ATXN7L1: variants seen among roughly 807,000 people sequenced by gnomAD.
The protein encoded by ATXN7L1 is ataxin-7-like protein 1.
In ATXN7L1, 15 loss-of-function variants were observed where a neutral mutation model predicts 70.8. The observed-to-expected ratio is 0.21, with a 90% confidence interval of 0.14 to 0.33. ATXN7L1 has a LOEUF of 0.33. ATXN7L1 is among the 10% of genes least tolerant of loss of function. The probability of loss-of-function intolerance (pLI) is 1.00; values close to 1 mark genes in which losing one functional copy is unlikely to be tolerated. For missense variants in ATXN7L1, 975 were observed against 1,097.1 expected, an observed-to-expected ratio of 0.89 and a Z score of 1.57; for synonymous variants, 440 against 445.1, an observed-to-expected ratio of 0.99 and a Z score of 0.14.
At chr7:105,718,995 T>G (rs1025285646) in intron 3 of ATXN7L1, among the ~76,000 whole-genome samples, 3 of 152,168 alleles carry the variant, frequency 2.0e-5, no homozygotes, top group Non-Finnish European at 4.4e-5. Flanking sequence ...GGGCCTGTTG[T>G]GTTTCCATGT....
intron 3 of ATXN7L1, among the ~76,000 whole-genome samples, chr7:105,785,436 A>G (rs973882560): frequency 1.3e-5 from 2 of 152,176 alleles, no homozygotes; most frequent in Non-Finnish European, 2.9e-5. Context: ...ACTGCACTAC[A>G]GTCTGGATGA....
At chr7:105,737,224 C>T (rs1194685560) in intron 3 of ATXN7L1, among the ~76,000 whole-genome samples, 1 of 152,216 alleles carries the variant, frequency 6.6e-6, no homozygotes, top group East Asian at 1.9e-4. Flanking sequence ...ACATACAACG[C>T]TTTGATAAAC....
chr7:105,833,867 T>C (rs1811996176), intron 2 of ATXN7L1, among the ~76,000 whole-genome samples: 1 of 152,102 alleles, frequency 6.6e-6, no homozygotes, highest in South Asian at 2.1e-4. Context: ...ATACAGCCAG[T>C]GGTAGTTATA....
chr7:105,771,107 G>T (rs193163361), intron 3 of ATXN7L1, among the ~76,000 whole-genome samples: 3 of 152,088 alleles, frequency 2.0e-5, no homozygotes, highest in South Asian at 4.2e-4. Context: ...GGCTGAGGCA[G>T]GAGAATTGCT....
chr7:105,639,836 G>A (rs1042964941), intron 5 of ATXN7L1, among the ~76,000 whole-genome samples: 1 of 152,240 alleles, frequency 6.6e-6, no homozygotes, highest in African/African-American at 2.4e-5. Flanking sequence ...AAGGCTCGGG[G>A]AATAGGGCGG....
intron 3 of ATXN7L1, among the ~76,000 whole-genome samples, chr7:105,770,696 A>G (rs991474371): frequency 2.6e-5 from 4 of 152,234 alleles, no homozygotes; most frequent in African/African-American, 9.6e-5. Flanking sequence ...AGACCCTGCC[A>G]GACCTTAAGG....
intron 3 of ATXN7L1, among the ~76,000 whole-genome samples, chr7:105,675,626 A>G (rs1804523011): frequency 2.6e-5 from 4 of 152,156 alleles, no homozygotes; most frequent in African/African-American, 9.7e-5. Context: ...CCCATCTCAA[A>G]AAAAAGAAAA....
chr7:105,674,936 A>G (rs914373586), intron 3 of ATXN7L1, among the ~76,000 whole-genome samples: 1 of 152,186 alleles, frequency 6.6e-6, no homozygotes, highest in Non-Finnish European at 1.5e-5. Flanking sequence ...CTACAGAAAT[A>G]GAATCTGTGG....
rs923798231 is a variant in ATXN7L1, at chr7:105,614,897, T to G, written c.1518-81A>C. ...CAGGAGGCTCGATGACGTTTGAGGATCAGGGCTACAGAGGACACCCCGGCA... is the reference window on the plus strand; with the variant it reads ...CAGGAGGCTCGATGACGTTTGAGGAGCAGGGCTACAGAGGACACCCCGGCA... On this transcript the variant is annotated intron_variant, in intron 9 of 11. Coordinates refer to ENST00000419735, the MANE Select transcript of ATXN7L1 (RefSeq NM_020725.2). The surrounding 1 kb of genome is among the most constrained non-coding windows in gnomAD (Gnocchi z 4.3). The G allele has an allele frequency of 3.4e-6, 5 of 1,471,320 alleles. No homozygotes were observed. The African/African-American group carries it at 5.6e-5, about 17-fold the overall frequency. The allele number at this position is 1,471,320 out of a possible 1,614,324, so 91.1% of individuals were successfully genotyped here. A position where few individuals can be genotyped will look rare whatever the true frequency, so the allele number is the denominator to read the frequency against.
chr7:105,674,976 G>A (rs1056649366), intron 3 of ATXN7L1, among the ~76,000 whole-genome samples: 12 of 152,206 alleles, frequency 7.9e-5, no homozygotes, highest in African/African-American at 2.6e-4. Flanking sequence ...CCTTGCCAGC[G>A]GTACTTTCAA....
At chr7:105,699,793 G>T (rs1028487138) in intron 3 of ATXN7L1, among the ~76,000 whole-genome samples, 6 of 152,144 alleles carry the variant, frequency 3.9e-5, no homozygotes, top group Non-Finnish European at 7.4e-5. Flanking sequence ...CACTGAGAAA[G>T]AATGCAAGGA....
chr7:105,784,810 T>G (rs1804054841), intron 3 of ATXN7L1, among the ~76,000 whole-genome samples: 1 of 152,160 alleles, frequency 6.6e-6, no homozygotes, highest in South Asian at 2.1e-4. Flanking sequence ...GAGTCGTGAA[T>G]TGCTTTGTCT....
At chr7:105,673,988 G>A (rs1203859966) in intron 3 of ATXN7L1, among the ~76,000 whole-genome samples, 1 of 152,240 alleles carries the variant, frequency 6.6e-6, no homozygotes, top group African/African-American at 2.4e-5. Context: ...TGCAGGCAGA[G>A]CTGTGCCAAG....
intron 3 of ATXN7L1, among the ~76,000 whole-genome samples, chr7:105,727,746 G>GTGTGTATA (rs1333693053): frequency 7.2e-5 from 4 of 55,356 alleles, no homozygotes; most frequent in African/African-American, 2.9e-4. Context: ...GTGTATGTGT[G>GTGTGTATA]TATATATATA....
intron 2 of ATXN7L1, chr7:105,875,378 G>A (rs1452396058): frequency 5.7e-6 from 1 of 174,028 alleles, no homozygotes; most frequent in African/African-American, 2.4e-5. Flanking sequence ...ATGGTTTTCA[G>A]TGGTGAGTGG....
At chr7:105,871,084 G>GTT (rs3999852) in intron 2 of ATXN7L1, among the ~76,000 whole-genome samples, 36,713 of 134,790 alleles carry the variant, frequency 0.27, 5,277 homozygotes, top group Admixed American at 0.36. Flanking sequence ...GAGGGCTTGG[G>GTT]TTTTTTTTTT....
intron 2 of ATXN7L1, among the ~76,000 whole-genome samples, chr7:105,846,053 C>T (rs548824861): frequency 3.3e-5 from 5 of 152,142 alleles, no homozygotes; most frequent in East Asian, 1.9e-4. Flanking sequence ...AACAGGACAT[C>T]ATCAAAATTA....
Position 105,800,385 on chromosome 7 carries a change from T to C in ATXN7L1, c.251-11677A>G, listed in dbSNP as rs188149635. On this transcript the variant is annotated intron_variant, in intron 2 of 11. Transcript: ENST00000419735. ...CAAGGTCCAGCTTGGTGTAGCCTCC[T>C]TCAGGGAGCCTTCTTCAATTCCCGC... 5.3e-5 allele frequency among the ~76,000 whole-genome samples: 8 copies of C among 152,316 alleles called. No homozygotes were observed. The East Asian group carries it at 1.5e-3, about 29-fold the overall frequency.
intron 2 of ATXN7L1, among the ~76,000 whole-genome samples, chr7:105,870,660 G>A (rs575813959): frequency 1.3e-5 from 2 of 152,288 alleles, no homozygotes; most frequent in East Asian, 1.9e-4. Flanking sequence ...GTGAGGCAAG[G>A]GGAACATCTT....
Sources: allele counts gnomAD v4.1 joint callset (sites outside exome capture counted in the v4.1 genomes callset), GRCh38; gene constraint gnomAD v4.1.1; non-coding constraint Gnocchi (gnomAD v3.1); transcripts MANE v1.5; gene names NCBI Gene and HGNC (gene_info 2026-07-23, HGNC 2026-07-21).